Variants in CLTRN observed in about 807,000 individuals in gnomAD.
The protein encoded by CLTRN is collectrin, amino acid transport regulator.
In CLTRN, 12 loss-of-function variants were observed where a neutral mutation model predicts 14.5. That is an observed-to-expected ratio of 0.83 (90% CI 0.53 to 1.34). CLTRN has a LOEUF of 1.34. Ranked by LOEUF, CLTRN falls within the 40% of genes most tolerant of loss-of-function variation. The pLI is 0.00. For missense variants in CLTRN, 154 were observed against 165.1 expected (o/e 0.93, Z 0.37); for synonymous variants, 58 against 56.5 (o/e 1.03, Z -0.12).
intron 1 of CLTRN, among the ~76,000 whole-genome samples, chrX:15,672,275 G>C (rs1433695271): frequency 8.9e-6 from 1 of 112,141 alleles, no homozygotes; most frequent in African/African-American, 3.2e-5. Flanking sequence ...GTCTCATGTA[G>C]TTAAAGCAAG....
At chrX:15,661,167 A>G (rs976887805) in intron 2 of CLTRN, among the ~76,000 whole-genome samples, 2 of 112,495 alleles carry the variant, frequency 1.8e-5, no homozygotes, top group African/African-American at 6.5e-5. Flanking sequence ...AAGGCTTATT[A>G]ACAGAATGCA....
At chrX:15,662,573 A>C (rs1474229316) in intron 2 of CLTRN, among the ~76,000 whole-genome samples, 1 of 111,649 alleles carries the variant, frequency 9.0e-6, no homozygotes, top group Admixed American at 9.5e-5. Flanking sequence ...CATTTTACTC[A>C]GTCTTCCTTT....
chrX:15,664,072 T>A (rs1929568160), intron 2 of CLTRN, among the ~76,000 whole-genome samples: 1 of 112,254 alleles, frequency 8.9e-6, no homozygotes, highest in Non-Finnish European at 1.9e-5. Flanking sequence ...TATCCCGAGT[T>A]GAGATGCTGG....
intron 5 of CLTRN, among the ~76,000 whole-genome samples, chrX:15,634,132 C>T (rs1928762494): frequency 1.8e-5 from 2 of 111,550 alleles, no homozygotes; most frequent in Admixed American, 9.5e-5. Context: ...TGAAATTGTG[C>T]TGTGTCCATG....
At chrX:15,630,363 A>AGAAAGAAGGAAGGAAGGAAG (rs1335378576) in intron 5 of CLTRN, among the ~76,000 whole-genome samples, 23 of 54,672 alleles carry the variant, frequency 4.2e-4, no homozygotes, top group African/African-American at 2.0e-3. Flanking sequence ...ACCACAAGAA[A>AGAAAGAAGGAAGGAAGGAAG]GAAGGAAGGA....
intron 5 of CLTRN, among the ~76,000 whole-genome samples, 193 bp from the exon 6 acceptor site, chrX:15,628,320 T>A (rs1457564734): frequency 8.9e-6 from 1 of 112,168 alleles, no homozygotes; most frequent in South Asian, 3.7e-4. Context: ...AAAGATACTA[T>A]CAAGATGAGA....
rs1397043234 is a variant in CLTRN at position 15,670,352 on chromosome X, A to ACAC, written c.-505-2417_-505-2416insGTG. Among the ~76,000 whole-genome samples, 51 of 58,371 alleles carry ACAC rather than the reference A, an allele frequency of 8.7e-4. No homozygotes were observed. The East Asian group carries it at 0.045, about 51-fold the overall frequency. The allele number at this position is 58,371 out of a possible 115,157, so 50.7% of individuals were successfully genotyped here. On this transcript the variant is annotated intron_variant, in intron 1 of 6. Transcript: ENST00000650271. ...ACACACACACACACACACACACACA[A>ACAC]ACCCCTTTGGAAGTTTTAATATCTT...
At chrX:15,652,852 C>T (rs934900102) in intron 3 of CLTRN, among the ~76,000 whole-genome samples, 2 of 111,555 alleles carry the variant, frequency 1.8e-5, no homozygotes, top group African/African-American at 6.5e-5. Context: ...GAGGCTGAGG[C>T]GGGCAGATCA....
chrX:15,657,705 G>C (rs1185205699), intron 3 of CLTRN, among the ~76,000 whole-genome samples: 1 of 110,487 alleles, frequency 9.1e-6, no homozygotes, highest in Non-Finnish European at 1.9e-5. Flanking sequence ...ATTATAAATA[G>C]TTGTGAAAGA....
intron 3 of CLTRN, among the ~76,000 whole-genome samples, chrX:15,652,094 GA>G (rs1202210224): frequency 8.9e-6 from 1 of 112,024 alleles, no homozygotes; most frequent in Non-Finnish European, 1.9e-5. Context: ...ATGTATTAAG[GA>G]ACCAAAGGAT....
chrX:15,651,829 G>C (rs1361635124), intron 3 of CLTRN, among the ~76,000 whole-genome samples: 8 of 111,600 alleles, frequency 7.2e-5, no homozygotes, highest in Non-Finnish European at 1.5e-4. Context: ...GAGACAAACT[G>C]AGGAAGTAAA....
chrX:15,628,833 A>G (rs1356962288), intron 5 of CLTRN, among the ~76,000 whole-genome samples: 1 of 112,000 alleles, frequency 8.9e-6, no homozygotes, highest in African/African-American at 3.2e-5. Context: ...TGACAGGATA[A>G]ATTCTTGAGT....
chrX:15,666,674 A>C (rs191371452), upstream of CLTRN, among the ~76,000 whole-genome samples: 53 of 111,802 alleles, frequency 4.7e-4, 1 homozygote, highest in Admixed American at 2.6e-3. Flanking sequence ...AAGGACACGG[A>C]GTCAGGAAAA....
intron 2 of CLTRN, among the ~76,000 whole-genome samples, chrX:15,662,818 T>C (rs1014358131): frequency 2.7e-5 from 3 of 111,469 alleles, no homozygotes; most frequent in African/African-American, 6.5e-5. Context: ...TCAACGGCAT[T>C]TGATGCTCTT....
At position 15,644,645 on chromosome X, in the gene CLTRN, C is replaced by T. The variant is rs190868857; in HGVS notation, c.317+271G>A. ...TTACTCAATGCTGGTGGTACCACCA[C>T]CCCCTCCAGCTGTGACAATAAAAAT... On this transcript the variant is annotated intron_variant, in intron 4 of 5. Transcript: ENST00000380342. Among the ~76,000 whole-genome samples the T allele has an allele frequency of 4.2e-3, 473 of 111,613 alleles. 2 individuals are homozygous for T. The highest frequency in any genetic ancestry group is 0.015 in the African/African-American group (457 of 30,729).
intron 4 of CLTRN, among the ~76,000 whole-genome samples, chrX:15,643,037 G>A (rs983881248): frequency 9.0e-6 from 1 of 111,182 alleles, no homozygotes; most frequent in Non-Finnish European, 1.9e-5. Context: ...GTTCAAGGCT[G>A]CAATGAGCTA....
At chrX:15,641,250 T>A in intron 4 of CLTRN, among the ~76,000 whole-genome samples, 1 of 111,817 alleles carries the variant, frequency 8.9e-6, no homozygotes, top group Non-Finnish European at 1.9e-5. Context: ...AGTGAATTTC[T>A]AACTGTAAAC....
intron 4 of CLTRN, 84 bp from the exon 5 acceptor site, chrX:15,639,840 A>G (rs1044939051): frequency 1.1e-6 from 1 of 904,866 alleles, no homozygotes; most frequent in Non-Finnish European, 1.5e-6. Flanking sequence ...TTTCTCCATG[A>G]TTATAAATAT....
At chrX:15,675,080 G>A (rs996900967), upstream of CLTRN, 4 of 113,220 alleles carry the variant, frequency 3.5e-5, no homozygotes, top group Admixed American at 9.2e-5. Flanking sequence ...GAGGAGCGCA[G>A]GCAGCAAGGC....
Sources: gnomAD v4.1 joint callset for allele counts (sites outside exome capture counted in the v4.1 genomes callset) on GRCh38, gnomAD v4.1.1 for gene constraint, MANE v1.5 for transcripts, NCBI Gene and HGNC (gene_info 2026-07-23, HGNC 2026-07-21) for gene names.